Variants in COL15A1 observed in about 807,000 individuals in gnomAD.
COL15A1 encodes the protein collagen type XV alpha 1 chain.
A neutral mutation model predicts 165.9 loss-of-function variants in COL15A1; 111 were observed. The ratio of observed to expected loss-of-function variants is 0.67; its 90% confidence interval spans 0.57 to 0.78. The LOEUF is 0.78. COL15A1 is among the 30% of genes least tolerant of loss of function. The pLI, the probability that COL15A1 is intolerant of heterozygous loss-of-function variation, is 0.00. For synonymous variants in COL15A1, 659 were observed against 674.8 expected, an observed-to-expected ratio of 0.98 and a Z score of 0.36; for missense variants, 1,745 against 1,789.7, an observed-to-expected ratio of 0.98 and a Z score of 0.45.
chr9:99,005,065 G>C lies in COL15A1; in HGVS notation c.1353+15G>C. On this transcript the variant is annotated intron_variant, in intron 9 of 41. Coordinates refer to ENST00000375001, the MANE Select transcript of COL15A1 (RefSeq NM_001855.5). ...AGGCCACTGTGGTAAGGATCGTACA[G>C]TGCCCAAAGGTTGAGGTCATGGTGG... 6.4e-7 allele frequency: 1 copy of C among 1,570,462 alleles called. No homozygotes were observed. Among genetic ancestry groups the C allele is most frequent in the Non-Finnish European group, 8.6e-7 (1 of 1,159,292 alleles).
chr9:99,015,244 C>A (rs989066020), intron 9 of COL15A1, among the ~76,000 whole-genome samples, 173 bp from the exon 10 acceptor site: 1 of 151,990 alleles, frequency 6.6e-6, no homozygotes, highest in Non-Finnish European at 1.5e-5. Context: ...CTGAAAGGTA[C>A]GTTCTAATGC....
chr9:99,065,267 G>A (rs2117996546), intron 39 of COL15A1, among the ~76,000 whole-genome samples: 1 of 152,296 alleles, frequency 6.6e-6, no homozygotes, highest in Middle Eastern at 3.4e-3. Flanking sequence ...CCTTTCTTAG[G>A]TGGCCCCTGG....
chr9:98,955,574 A>G (rs1837763758), intron 2 of COL15A1, among the ~76,000 whole-genome samples: 1 of 152,226 alleles, frequency 6.6e-6, no homozygotes, highest in Non-Finnish European at 1.5e-5. Context: ...ACACTGAAAG[A>G]CCACCCTGCA....
chr9:99,041,695 G>T lies in COL15A1; in HGVS notation c.2512-350G>T, dbSNP rs965344895. On this transcript the variant is annotated intron_variant, in intron 23 of 41. Coordinates refer to ENST00000375001, the MANE Select transcript of COL15A1 (RefSeq NM_001855.5). ...AGCCAGAGAAGGGGTGGGAGTCGTG[G>T]AAGGGGATAGTGGAGGAGGCGGGCT... Among the ~76,000 whole-genome samples, 8 of 152,328 alleles carry T rather than the reference G, an allele frequency of 5.3e-5. 1 individual carries two copies. The highest frequency in any genetic ancestry group is 2.6e-4 in the Admixed American group (4 of 15,304).
chr9:98,975,183 G>C (rs868373776), intron 2 of COL15A1, among the ~76,000 whole-genome samples: 1 of 152,248 alleles, frequency 6.6e-6, no homozygotes, highest in African/African-American at 2.4e-5. Flanking sequence ...CCTGGAGCGA[G>C]GAACGCTCCT....
rs1160383609 is a variant in COL15A1 at position 98,944,079 on chromosome 9, C to G, written c.11+7C>G. On this transcript the variant is annotated splice_region_variant and intron_variant, in intron 1 of 41. Transcript: ENST00000375001. ...CCCGCGAGATGGCACCAAGGTAAGA[C>G]CCGCTTCTCTGCTTCCTCGCGTCCC... 6.2e-7 allele frequency: 1 copy of G among 1,614,058 alleles called. No individual in the cohort carries two copies. Among genetic ancestry groups the G allele is most frequent in the African/African-American group, 1.3e-5 (1 of 74,956 alleles).
Position 99,047,493 on chromosome 9 carries a change from C to T in COL15A1, c.2680-293C>T, listed in dbSNP as rs541634605. ...GGGAGCTGAGGCCCTGAGCTACTGA[C>T]CTCTTGCTCCTTAGTTAACCCTGAC... On this transcript the variant is annotated intron_variant, in intron 26 of 41. Transcript: ENST00000375001. 2.0e-5 allele frequency among the ~76,000 whole-genome samples: 3 copies of T among 152,326 alleles called. No homozygotes were observed. In the South Asian group the frequency reaches 6.2e-4, roughly 32 times the overall value.
intron 4 of COL15A1, among the ~76,000 whole-genome samples, 175 bp from the exon 5 acceptor site, chr9:98,989,003 A>G (rs1187127076): frequency 7.0e-6 from 1 of 142,294 alleles, no homozygotes; most frequent in Non-Finnish European, 1.5e-5. Flanking sequence ...TGTCTCCTTA[A>G]CCCCACTCCG....
chr9:98,944,107 G>T, intron 1 of COL15A1, 35 bp downstream of exon 1: 3 of 1,614,134 alleles, frequency 1.9e-6, no homozygotes, highest in Non-Finnish European at 2.5e-6. Flanking sequence ...CGCGTCCCGG[G>T]CCCCTCCAAT....
intron 40 of COL15A1, 22 bp downstream of exon 40, chr9:99,067,089 A>G (rs1365329600): frequency 6.2e-7 from 1 of 1,601,712 alleles, no homozygotes; most frequent in Non-Finnish European, 8.5e-7. Context: ...TATGGTTCCC[A>G]TTGCCTTCTG....
intron 2 of COL15A1, among the ~76,000 whole-genome samples, chr9:98,969,620 G>A (rs533647387): frequency 6.6e-6 from 1 of 152,328 alleles, no homozygotes; most frequent in South Asian, 2.1e-4. Context: ...GGTGCCCAGT[G>A]TTGATGCCCC....
chr9:99,015,485 G>A lies in COL15A1; in HGVS notation c.1422G>A (p.Glu474=). The A allele has an allele frequency of 6.2e-7, 1 of 1,611,162 alleles. No homozygotes were observed. Among genetic ancestry groups the A allele is most frequent in the Non-Finnish European group, 8.5e-7 (1 of 1,177,642 alleles). ...CCGAAGTGTCCCTCAGTACTTTTGA[G>A]GATGAGGAAGCCAGTGGGGTCCCCA... ...AATEVSLSTF[E]DEEASGVPTD... is the part of the protein sequence containing the mutation. Residue 474 remains glutamate, a synonymous_variant, in exon 10 of 42, where the codon GAG becomes GAA. Transcript: ENST00000375001.
In COL15A1 at chr9:99,024,277, G is replaced by GTTTTTTTTTTTTT. The variant is rs773196929; in HGVS notation, c.1855-590_1855-589insTTTTTTTTTTTTT. On this transcript the variant is annotated intron_variant, in intron 14 of 41. Coordinates refer to ENST00000375001, the MANE Select transcript of COL15A1 (RefSeq NM_001855.5). Reference sequence around the variant, plus strand: ...GGCTACACCACAAGCAGTTTTTTTTGTTTTTTTGTTTTTTTTTTTTTGAGA... The same window carrying GTTTTTTTTTTTTT: ...GGCTACACCACAAGCAGTTTTTTTTGTTTTTTTTTTTTTTTTTTTTGTTTTTTTTTTTTTGAGA... Among the ~76,000 whole-genome samples the GTTTTTTTTTTTTT allele has an allele frequency of 5.2e-4, 56 of 108,638 alleles. 1 individual carries two copies. The highest frequency in any genetic ancestry group is 2.0e-3 in the African/African-American group (54 of 27,070). 71.3% of individuals were successfully genotyped at this position (108,638 alleles called of 152,430 possible).
chr9:99,024,729 G>A (rs1839091169), intron 14 of COL15A1, 145 bp from the exon 15 acceptor site: 2 of 825,180 alleles, frequency 2.4e-6, no homozygotes, highest in Non-Finnish European at 3.7e-6. Flanking sequence ...GTCTCACTGA[G>A]CCTTATTTTC....
At chr9:98,944,738 C>T (rs1159538421) in intron 2 of COL15A1, among the ~76,000 whole-genome samples, 1 of 152,254 alleles carries the variant, frequency 6.6e-6, no homozygotes, top group Admixed American at 6.5e-5. Context: ...CTTAACCCAG[C>T]TCTGAGTTAC....
At chr9:99,053,549 C>T (rs1825662741) in intron 31 of COL15A1, among the ~76,000 whole-genome samples, 1 of 152,244 alleles carries the variant, frequency 6.6e-6, no homozygotes, top group Non-Finnish European at 1.5e-5. Context: ...TTACTGTGTG[C>T]AGCTACTACT....
chr9:99,035,121 A>C lies in COL15A1; in HGVS notation c.2187A>C (p.Pro729=). The change falls in exon 18 of 42, where the codon CCA becomes CCC. Residue 729 remains proline (P), a synonymous_variant. Transcript: ENST00000375001. ...GGCCTCCTGGACCCCCTGGGCCCCC[A>C]GGCCCTGGATGCACAATGGGACTTG... is the stretch of plus-strand genomic sequence containing the variant. ...PPGPPGPPGP[P]GPGCTMGLGF... The C allele has an allele frequency of 6.2e-7, 1 of 1,601,906 alleles. No individual in the cohort carries two copies. Among genetic ancestry groups the C allele is most frequent in the African/African-American group, 1.3e-5 (1 of 74,094 alleles).
intron 2 of COL15A1, among the ~76,000 whole-genome samples, chr9:98,945,465 GA>G (rs1337149223): frequency 6.6e-6 from 1 of 152,182 alleles, no homozygotes; most frequent in Non-Finnish European, 1.5e-5. Context: ...GAATTTGGGG[GA>G]TTAGTACACA....
intron 10 of COL15A1, 27 bp from the exon 11 acceptor site, chr9:99,015,949 G>A: frequency 6.2e-7 from 1 of 1,609,116 alleles, no homozygotes; most frequent in Non-Finnish European, 8.5e-7. Context: ...AGGTGAGGTG[G>A]TGCCTTAATG....
Sources: gnomAD v4.1 joint callset for allele counts (sites outside exome capture counted in the v4.1 genomes callset) on GRCh38, gnomAD v4.1.1 for gene constraint, MANE v1.5 for transcripts, NCBI Gene and HGNC (gene_info 2026-07-23, HGNC 2026-07-21) for gene names.